FDFT1: variants seen among roughly 807,000 people sequenced by gnomAD.
FDFT1 encodes the protein farnesyl-diphosphate farnesyltransferase 1.
A neutral mutation model predicts 46.8 loss-of-function variants in FDFT1; 68 were observed. That is an observed-to-expected ratio of 1.45 (90% CI 1.19 to 1.78). The LOEUF is 1.78. Ranked by LOEUF, FDFT1 falls within the 40% of genes most tolerant of loss-of-function variation. The pLI, the probability that FDFT1 is intolerant of heterozygous loss-of-function variation, is 0.00. For missense variants in FDFT1, 928 were observed against 524.4 expected (o/e 1.77, Z -7.52); for synonymous variants, 351 against 185.1 (o/e 1.90, Z -7.28).
At chr8:11,821,350 T>G (rs568689944) in intron 3 of FDFT1, among the ~76,000 whole-genome samples, 2 of 152,344 alleles carry the variant, frequency 1.3e-5, no homozygotes, top group South Asian at 2.1e-4. Context: ...CCCAGCAGTT[T>G]GGGAGGCCAG....
In FDFT1 at chr8:11,826,009, A is replaced by G; in HGVS notation, c.511-15A>G. 1 of 1,508,328 alleles carries G rather than the reference A, an allele frequency of 6.6e-7. No homozygotes were observed. Among genetic ancestry groups the G allele is most frequent in the Non-Finnish European group, 9.0e-7 (1 of 1,115,122 alleles). 93.4% of individuals were successfully genotyped at this position (1,508,328 alleles called of 1,614,324 possible). A position where few individuals can be genotyped will look rare whatever the true frequency, so the allele number is the denominator to read the frequency against. On this transcript the variant is annotated splice_polypyrimidine_tract_variant and intron_variant, in intron 4 of 7. Transcript: ENST00000220584. The stretch of plus-strand genomic sequence containing the variant: ...AATTCCATTATTAAAGTGCTTTAAA[A>G]ATCGTCTCTTACAGTACTGCCACTA...
At chr8:11,835,939 G>C (rs1212434974) in intron 7 of FDFT1, among the ~76,000 whole-genome samples, 1 of 122,196 alleles carries the variant, frequency 8.2e-6, no homozygotes, top group Non-Finnish European at 1.6e-5. Flanking sequence ...TGCGAAACCA[G>C]CCTGACTTAT....
rs969466166 is a variant in FDFT1, at chr8:11,831,778, C to T, written c.1032+108C>T. 94 of 955,260 alleles carry T rather than the reference C, an allele frequency of 9.8e-5. No individual in the cohort carries two copies. In the African/African-American group the frequency reaches 1.5e-3, roughly 15 times the overall value. 59.2% of individuals were successfully genotyped at this position (955,260 alleles called of 1,614,324 possible). Reference sequence around the variant, plus strand: ...TAGATGATCCTAACAATTCACTATCCTGTGGCCTAAAGAGACAGGAATTGA... The same window carrying T: ...TAGATGATCCTAACAATTCACTATCTTGTGGCCTAAAGAGACAGGAATTGA... On this transcript the variant is annotated intron_variant, in intron 7 of 7. Coordinates refer to ENST00000220584, the MANE Select transcript of FDFT1 (RefSeq NM_004462.5).
intron 1 of FDFT1, among the ~76,000 whole-genome samples, chr8:11,796,749 G>A (rs1805601130): frequency 6.6e-6 from 1 of 152,244 alleles, no homozygotes; most frequent in African/African-American, 2.4e-5. Flanking sequence ...GATTGCTGCT[G>A]AGGTTGTGGT....
intron 7 of FDFT1, among the ~76,000 whole-genome samples, chr8:11,834,335 C>G (rs1446618945): frequency 6.6e-6 from 1 of 152,224 alleles, no homozygotes; most frequent in East Asian, 1.9e-4. Flanking sequence ...GGGAGAAGAT[C>G]AACCTGCTAT....
chr8:11,795,678 G>C (rs893844560), exon 1 of FDFT1: 1 of 152,058 alleles, frequency 6.6e-6, no homozygotes, highest in African/African-American at 2.4e-5. Context: ...GCCTTTATGA[G>C]CTGTAACACT....
exon 1 of FDFT1, chr8:11,795,910 G>A (rs1275501499): frequency 6.6e-6 from 1 of 152,650 alleles, no homozygotes; most frequent in Non-Finnish European, 1.5e-5. Context: ...CCGCCTTTAA[G>A]AACTGTAACA....
chr8:11,797,167 C>T (rs1240593082), intron 1 of FDFT1, among the ~76,000 whole-genome samples: 1 of 152,190 alleles, frequency 6.6e-6, no homozygotes, highest in Non-Finnish European at 1.5e-5. Context: ...TCGGCCCCTC[C>T]CTGTTTTAGC....
chr8:11,808,744 A>ACTCCCACTCCCACTCCCACTCCTG, intron 1 of FDFT1, 50 bp from the exon 2 acceptor site: 1 of 1,316,190 alleles, frequency 7.6e-7, no homozygotes, highest in Non-Finnish European at 1.0e-6. Flanking sequence ...TCCCACTCCC[A>ACTCCCACTCCCACTCCCACTCCTG]CTCCTGCTCC....
chr8:11,811,575 A>T (rs561404752), intron 3 of FDFT1, among the ~76,000 whole-genome samples: 2 of 152,362 alleles, frequency 1.3e-5, no homozygotes, highest in Non-Finnish European at 2.9e-5. Flanking sequence ...GTGAAACTTC[A>T]GTGTCTTCCT....
chr8:11,810,601 G>A (rs779241003), intron 3 of FDFT1, among the ~76,000 whole-genome samples: 4 of 152,146 alleles, frequency 2.6e-5, no homozygotes, highest in African/African-American at 9.7e-5. Context: ...AGTAAAGTGG[G>A]TTATAGTTAA....
At chr8:11,830,630 C>T (rs1042491355) in intron 6 of FDFT1, among the ~76,000 whole-genome samples, 2 of 152,174 alleles carry the variant, frequency 1.3e-5, no homozygotes, top group Non-Finnish European at 2.9e-5. Context: ...CTTTTCAGAA[C>T]CTTCTTTCTG....
chr8:11,805,153 G>C (rs1164583142), intron 1 of FDFT1, among the ~76,000 whole-genome samples: 1 of 151,424 alleles, frequency 6.6e-6, no homozygotes, highest in Admixed American at 6.6e-5. Context: ...CTGAGCTCAA[G>C]CGATTTTCCC....
chr8:11,824,970 C>G (rs910160309), intron 4 of FDFT1, among the ~76,000 whole-genome samples: 2 of 152,156 alleles, frequency 1.3e-5, no homozygotes, highest in South Asian at 2.1e-4. Flanking sequence ...CTCCTGATCT[C>G]GTGATCCGCC....
intron 3 of FDFT1, among the ~76,000 whole-genome samples, chr8:11,820,560 G>A (rs1809089418): frequency 6.6e-6 from 1 of 152,166 alleles, no homozygotes; most frequent in South Asian, 2.1e-4. Context: ...AGTGCGTACT[G>A]AAGCCTCAGC....
chr8:11,802,569 G>C (rs17524888), upstream of FDFT1: 14 of 613,812 alleles, frequency 2.3e-5, no homozygotes, highest in Admixed American at 1.3e-4. Context: ...CTCCTTCCGC[G>C]ACTGATTGGC....
At chr8:11,816,525 A>G (rs1043543666) in intron 3 of FDFT1, among the ~76,000 whole-genome samples, 2 of 151,986 alleles carry the variant, frequency 1.3e-5, no homozygotes, top group African/African-American at 4.8e-5. Flanking sequence ...CCATTTGTTT[A>G]TGGCCTCTTT....
At chr8:11,815,423 T>C (rs1808313436) in intron 3 of FDFT1, among the ~76,000 whole-genome samples, 2 of 152,236 alleles carry the variant, frequency 1.3e-5, no homozygotes, top group South Asian at 2.1e-4. Flanking sequence ...TTTCTAGTTC[T>C]AGATCCTTGG....
intron 2 of FDFT1, 136 bp from the exon 3 acceptor site, chr8:11,809,531 A>G: frequency 2.3e-6 from 3 of 1,302,080 alleles, no homozygotes; most frequent in Non-Finnish European, 3.0e-6. Context: ...TAAGTATGAA[A>G]AGCGTTGGAT....
Sources: allele counts gnomAD v4.1 joint callset (sites outside exome capture counted in the v4.1 genomes callset), GRCh38; gene constraint gnomAD v4.1.1; transcripts MANE v1.5; gene names NCBI Gene and HGNC (gene_info 2026-07-23, HGNC 2026-07-21).